The following FAT3 variants were observed in gnomAD, a reference collection of about 807,000 sequenced individuals.
The protein encoded by FAT3 is protocadherin Fat 3.
A neutral mutation model predicts 310.2 loss-of-function variants in FAT3; 95 were observed. The observed-to-expected ratio is 0.31, with a 90% CI of 0.26 to 0.36. The LOEUF is 0.36. FAT3 is among the 10% of genes least tolerant of loss of function. The pLI is 1.00. For missense variants in FAT3, 5,408 were observed against 5,715.6 expected, an observed-to-expected ratio of 0.95 and a Z score of 1.74; for synonymous variants, 2,314 against 2,192.9, an observed-to-expected ratio of 1.06 and a Z score of -1.54.
chr11:92,690,990 A>G (rs988460859), intron 3 of FAT3, among the ~76,000 whole-genome samples: 5 of 152,324 alleles, frequency 3.3e-5, no homozygotes, highest in Admixed American at 6.5e-5. Flanking sequence ...TTTCATGTCA[A>G]TTCTGTGGAT....
chr11:92,542,102 A>T (rs1212017497), intron 3 of FAT3, among the ~76,000 whole-genome samples: 4 of 152,034 alleles, frequency 2.6e-5, no homozygotes, highest in East Asian at 1.9e-4. Flanking sequence ...ACACCCTCTT[A>T]AGTACATGGC....
chr11:92,839,974 T>C (rs1948496329), intron 17 of FAT3, among the ~76,000 whole-genome samples: 1 of 152,220 alleles, frequency 6.6e-6, no homozygotes, highest in African/African-American at 2.4e-5. Flanking sequence ...AGGAATGTTT[T>C]ACCCCGATTC....
At chr11:92,837,890 GCTA>G in intron 17 of FAT3, 84 bp downstream of exon 17, 1 of 1,530,614 alleles carries the variant, frequency 6.5e-7, no homozygotes, top group Non-Finnish European at 9.0e-7. Flanking sequence ...GTGGTTTATT[GCTA>G]CTATTACTTA....
intron 1 of FAT3, among the ~76,000 whole-genome samples, chr11:92,237,080 G>T (rs1565171349): frequency 6.6e-6 from 1 of 152,126 alleles, no homozygotes; most frequent in East Asian, 1.9e-4. Context: ...CACAATTCCA[G>T]CATCATGGTG....
At chr11:92,530,234 G>C (rs999403250) in intron 3 of FAT3, among the ~76,000 whole-genome samples, 8 of 152,132 alleles carry the variant, frequency 5.3e-5, no homozygotes, top group Non-Finnish European at 1.0e-4. Flanking sequence ...TACCTGGTGA[G>C]CTTGCTAGAC....
At position 92,764,863 on chromosome 11, in the gene FAT3, C is replaced by T. The variant is rs756320191; in HGVS notation, c.3985-16C>T. 1.2e-5 allele frequency: 20 copies of T among 1,610,906 alleles called. No individual in the cohort carries two copies. The highest frequency in any genetic ancestry group is 1.6e-5 in the Non-Finnish European group (19 of 1,178,086). On this transcript the variant is annotated splice_polypyrimidine_tract_variant and intron_variant, in intron 5 of 27. Transcript: ENST00000525166. The stretch of plus-strand genomic sequence containing the variant: ...GAGGTCTGAGACATCTTTCTCTTCT[C>T]TCCCTGTGTGAGTAGATAAAGGCAG...
chr11:92,238,941 T>A (rs1236946009), intron 1 of FAT3, among the ~76,000 whole-genome samples: 1 of 152,176 alleles, frequency 6.6e-6, no homozygotes, highest in Non-Finnish European at 1.5e-5. Flanking sequence ...CATTCGTTTG[T>A]AACTTTGCCA....
intron 1 of FAT3, among the ~76,000 whole-genome samples, chr11:92,327,099 A>G (rs1947787271): frequency 6.6e-6 from 1 of 152,122 alleles, no homozygotes; most frequent in Non-Finnish European, 1.5e-5. Flanking sequence ...AAAGACATGG[A>G]GTTACTTTTG....
chr11:92,438,047 G>C (rs1950982476), intron 2 of FAT3, among the ~76,000 whole-genome samples: 1 of 152,164 alleles, frequency 6.6e-6, no homozygotes, highest in Non-Finnish European at 1.5e-5. Context: ...ACTTGAAAAT[G>C]TGCCTGCCTC....
intron 2 of FAT3, among the ~76,000 whole-genome samples, chr11:92,427,010 A>G (rs1001187793): frequency 3.3e-5 from 5 of 152,198 alleles, no homozygotes; most frequent in African/African-American, 1.2e-4. Flanking sequence ...ATCCATGAGC[A>G]TGCAATGTTT....
rs756287722 is a variant in FAT3, at chr11:92,354,883, T to A, written c.2771T>A (p.Val924Asp). The A allele has an allele frequency of 1.2e-6, 2 of 1,613,860 alleles. No homozygotes were observed. Among genetic ancestry groups the A allele is most frequent in the Non-Finnish European group, 1.7e-6 (2 of 1,179,858 alleles). ...QQLFSVVTLK[V>D]FLDDVNDCSP... ...CTGTTTTCAGTTGTCACTCTTAAAG[T>A]TTTTTTAGATGATGTCAATGACTGC... Residue 924 changes from valine to aspartate, a missense_variant, in exon 2 of 28, where the codon GTT (valine) becomes GAT (aspartate). By Grantham distance (152) the Val-to-Asp change is radical. This residue lies in a region of FAT3 where 4,588 missense variants were observed against 4,809.8 expected (regional missense o/e 0.95). Coordinates refer to ENST00000525166, the MANE Select transcript of FAT3 (RefSeq NM_001367949.2).
chr11:92,288,755 G>A (rs1015658818), intron 1 of FAT3, among the ~76,000 whole-genome samples: 27 of 152,000 alleles, frequency 1.8e-4, no homozygotes, highest in Non-Finnish European at 3.7e-4. Context: ...TAAACCTATG[G>A]TATCTAAAAT....
intron 1 of FAT3, among the ~76,000 whole-genome samples, chr11:92,323,879 A>T (rs1289087963): frequency 6.6e-6 from 1 of 152,230 alleles, no homozygotes; most frequent in African/African-American, 2.4e-5. Context: ...TTCTTTCAAT[A>T]GAAGTCTGTT....
intron 1 of FAT3, among the ~76,000 whole-genome samples, chr11:92,290,542 C>T (rs1029301584): frequency 1.4e-4 from 21 of 151,936 alleles, no homozygotes; most frequent in African/African-American, 2.9e-4. Flanking sequence ...GGATCACCAG[C>T]GGTTAGGAGA....
At position 92,801,846 on chromosome 11, in the gene FAT3, G is replaced by A. The variant is rs187454400; in HGVS notation, c.8833G>A (p.Val2945Ile). The change falls in exon 10 of 28, where the codon GTC (valine) becomes ATC (isoleucine). Residue 2945 changes from valine to isoleucine, a missense_variant. Physicochemically the swap from Val to Ile is conservative, Grantham distance 29. Transcript: ENST00000525166. ...CGACCCACCGGGCGAGGTGGTAGCCGTCCTCAGCACCTGGGACAGAGACAC... is the reference window on the plus strand; with the variant it reads ...CGACCCACCGGGCGAGGTGGTAGCCATCCTCAGCACCTGGGACAGAGACAC... ...ESDPPGEVVA[V>I]LSTWDRDTSD... The A allele has an allele frequency of 3.7e-3, 6,051 of 1,613,912 alleles. 44 individuals carry two copies. Among genetic ancestry groups the A allele is most frequent in the South Asian group, 0.014 (1,303 of 91,078 alleles).
chr11:92,552,574 T>G (rs1016164946), intron 3 of FAT3, among the ~76,000 whole-genome samples: 6 of 152,174 alleles, frequency 3.9e-5, no homozygotes, highest in Non-Finnish European at 7.4e-5. Context: ...GAAAATGAGT[T>G]CATATGGTAA....
intron 2 of FAT3, among the ~76,000 whole-genome samples, chr11:92,493,910 C>G (rs80106298): frequency 0.045 from 6,800 of 152,052 alleles, 185 homozygotes; most frequent in East Asian, 0.085. Flanking sequence ...CAGGAATCAG[C>G]AGTGGGCTGC....
intron 3 of FAT3, among the ~76,000 whole-genome samples, chr11:92,637,981 A>T (rs1941828891): frequency 6.6e-6 from 1 of 152,178 alleles, no homozygotes; most frequent in African/African-American, 2.4e-5. Context: ...TCCCTCCTTC[A>T]GGTGACAGAT....
At chr11:92,836,897 G>A (rs1039300541) in intron 16 of FAT3, among the ~76,000 whole-genome samples, 194 bp downstream of exon 16, 4 of 152,086 alleles carry the variant, frequency 2.6e-5, no homozygotes, top group Admixed American at 1.3e-4. Context: ...ATAGATGCTG[G>A]TTATGGAGGT....
Sources: allele counts gnomAD v4.1 joint callset (sites outside exome capture counted in the v4.1 genomes callset), GRCh38; gene constraint gnomAD v4.1.1; regional missense constraint gnomAD v4.1.1; transcripts MANE v1.5; gene names NCBI Gene and HGNC (gene_info 2026-07-23, HGNC 2026-07-21).